The following SYT16 variants were observed in gnomAD, a reference collection of about 807,000 sequenced individuals.
SYT16 encodes synaptotagmin 16, also known as synaptotagmin-16.
Under a neutral mutation model 61.4 loss-of-function variants are expected in SYT16, and 42 were observed. That is an observed-to-expected ratio of 0.68 (90% CI 0.53 to 0.89). SYT16 has a LOEUF of 0.89. Ranked by LOEUF, SYT16 falls within the 40% of genes least tolerant of loss-of-function variation. The pLI is 0.00. For synonymous variants in SYT16, 314 were observed against 302.3 expected (o/e 1.04, Z -0.40); for missense variants, 804 against 807.3 (o/e 1.00, Z 0.05).
chr14:61,914,430 C>G (rs2049043318), intron 1 of SYT16, among the ~76,000 whole-genome samples: 1 of 152,166 alleles, frequency 6.6e-6, no homozygotes, highest in African/African-American at 2.4e-5. Context: ...TTTTTATCTC[C>G]AGTGTTGACC....
At chr14:61,863,536 C>T (rs2047031927) in intron 1 of SYT16, among the ~76,000 whole-genome samples, 1 of 152,170 alleles carries the variant, frequency 6.6e-6, no homozygotes, top group Admixed American at 6.5e-5. Flanking sequence ...TAGTGTTTTG[C>T]AAATATCTTA....
chr14:61,855,410 A>G (rs565501950), intron 1 of SYT16, among the ~76,000 whole-genome samples: 13 of 152,330 alleles, frequency 8.5e-5, no homozygotes, highest in African/African-American at 3.1e-4. Context: ...CCTGCCAAAC[A>G]TCATAGTTTA....
chr14:61,908,063 C>G (rs2048792604), intron 1 of SYT16, among the ~76,000 whole-genome samples: 1 of 152,228 alleles, frequency 6.6e-6, no homozygotes, highest in African/African-American at 2.4e-5. Context: ...ACAGTCCTCA[C>G]CTGAGTAAGG....
chr14:61,824,834 CT>C (rs2045725768), intron 1 of SYT16, among the ~76,000 whole-genome samples: 1 of 152,014 alleles, frequency 6.6e-6, no homozygotes, highest in Non-Finnish European at 1.5e-5. Flanking sequence ...ATAAGAATGT[CT>C]TTTTACTCTC....
At chr14:62,049,328 G>C (rs1196106385) in intron 3 of SYT16, among the ~76,000 whole-genome samples, 2 of 152,038 alleles carry the variant, frequency 1.3e-5, no homozygotes, top group Non-Finnish European at 2.9e-5. Context: ...CCATTTGCTT[G>C]GTAGATCTTC....
chr14:61,888,405 AC>A (rs2047997156), intron 1 of SYT16, among the ~76,000 whole-genome samples: 1 of 152,210 alleles, frequency 6.6e-6, no homozygotes, highest in African/African-American at 2.4e-5. Context: ...GGCATGAGCC[AC>A]CATGCCCAGC....
rs140993280 is a variant in SYT16 at position 61,942,022 on chromosome 14, T to C, written c.-324-28110T>C. On this transcript the variant is annotated intron_variant, in intron 1 of 7. Coordinates refer to ENST00000683842, the MANE Select transcript of SYT16 (RefSeq NM_001367656.1). ...TATGAATATGAAAGATGTTCAGAAA[T>C]TGGCAGAATATACTGCTTTTCTGCA... 7.7e-3 allele frequency among the ~76,000 whole-genome samples: 1,179 copies of C among 152,368 alleles called. 6 individuals are homozygous for C. The highest frequency in any genetic ancestry group is 0.02 in the Middle Eastern group (6 of 294).
At chr14:62,028,631 G>A (rs1488600281) in intron 3 of SYT16, among the ~76,000 whole-genome samples, 3 of 152,132 alleles carry the variant, frequency 2.0e-5, no homozygotes, top group Middle Eastern at 3.2e-3. Flanking sequence ...TAGGATTAAG[G>A]TTTACCTGAA....
chr14:61,997,543 T>C (rs889276611), intron 3 of SYT16, among the ~76,000 whole-genome samples: 2 of 152,118 alleles, frequency 1.3e-5, no homozygotes, highest in African/African-American at 4.8e-5. Context: ...CAATTTCATA[T>C]TCTTCTCATA....
At chr14:62,005,077 G>C (rs117843347) in intron 3 of SYT16, among the ~76,000 whole-genome samples, 5,750 of 152,238 alleles carry the variant, frequency 0.038, 186 homozygotes, top group Middle Eastern at 0.071. Context: ...GCTTGGCCTT[G>C]TCTGGCATGC....
At chr14:62,100,125 C>A (rs538606909) in intron 7 of SYT16, among the ~76,000 whole-genome samples, 1 of 152,220 alleles carries the variant, frequency 6.6e-6, no homozygotes, top group Non-Finnish European at 1.5e-5. Context: ...AATGTATACA[C>A]CCTGTGCATG....
chr14:61,909,172 A>G (rs2048834217), intron 1 of SYT16, among the ~76,000 whole-genome samples: 1 of 152,276 alleles, frequency 6.6e-6, no homozygotes, highest in East Asian at 1.9e-4. Flanking sequence ...TCAGAGTGAT[A>G]GAGGGGATTT....
At chr14:61,934,124 A>C (rs1329628150) in intron 1 of SYT16, among the ~76,000 whole-genome samples, 2 of 152,192 alleles carry the variant, frequency 1.3e-5, no homozygotes, top group Non-Finnish European at 2.9e-5. Context: ...CTTATGAGAT[A>C]TTTCTATGCT....
intron 2 of SYT16, among the ~76,000 whole-genome samples, chr14:61,985,635 TATGAAG>T (rs1216307685): frequency 2.6e-5 from 4 of 152,120 alleles, no homozygotes; most frequent in Non-Finnish European, 4.4e-5. Flanking sequence ...CTGAAAAAGG[TATGAAG>T]ATGATCTCCT....
At chr14:61,974,793 A>C (rs1218880270) in intron 2 of SYT16, among the ~76,000 whole-genome samples, 2 of 152,256 alleles carry the variant, frequency 1.3e-5, no homozygotes, top group Non-Finnish European at 2.9e-5. Context: ...GTAAGTAAGG[A>C]AACAGGTTTT....
intron 1 of SYT16, among the ~76,000 whole-genome samples, chr14:61,901,243 A>G (rs1211314562): frequency 6.6e-6 from 1 of 152,166 alleles, no homozygotes; most frequent in East Asian, 1.9e-4. Flanking sequence ...GGAAATGTAC[A>G]ATCCTTATCT....
chr14:62,075,496 A>AT, intron 5 of SYT16, 105 bp downstream of exon 5: 1 of 1,318,496 alleles, frequency 7.6e-7, no homozygotes, highest in Non-Finnish European at 1.0e-6. Flanking sequence ...CCAGAAAGGA[A>AT]GCATTACTTT....
intron 2 of SYT16, among the ~76,000 whole-genome samples, chr14:61,976,816 C>T (rs2051826126): frequency 6.6e-6 from 1 of 152,162 alleles, no homozygotes; most frequent in South Asian, 2.1e-4. Context: ...TAACATTTGG[C>T]TCCTTATTAC....
In SYT16 at chr14:61,943,601, C is replaced by T. The variant is rs371069848; in HGVS notation, c.-324-26531C>T. ...ACATATGCAAATCAATAAACATAATCGATCACATAAACAGAACTAGTGACA... is the reference window on the plus strand; with the variant it reads ...ACATATGCAAATCAATAAACATAATTGATCACATAAACAGAACTAGTGACA... On this transcript the variant is annotated intron_variant, in intron 1 of 7. Coordinates refer to ENST00000683842, the MANE Select transcript of SYT16 (RefSeq NM_001367656.1). Among the ~76,000 whole-genome samples the T allele has an allele frequency of 9.2e-5, 14 of 152,250 alleles. No individual in the cohort carries two copies. The East Asian group carries it at 2.3e-3, about 25-fold the overall frequency.
Sources: allele counts gnomAD v4.1 joint callset (sites outside exome capture counted in the v4.1 genomes callset), GRCh38; gene constraint gnomAD v4.1.1; transcripts MANE v1.5; gene names NCBI Gene and HGNC (gene_info 2026-07-23, HGNC 2026-07-21).